Variants in MARCHF1 observed in about 807,000 individuals in gnomAD.
MARCHF1 encodes membrane associated ring-CH-type finger 1.
MARCHF1 carries 40 observed loss-of-function variants against 54.2 expected under a neutral mutation model. That is an observed-to-expected ratio of 0.74 (90% CI 0.57 to 0.96). The LOEUF (loss-of-function observed/expected upper bound fraction) is 0.96. MARCHF1 is among the 40% of genes least tolerant of loss of function. The pLI is 0.00. For synonymous variants in MARCHF1, 236 were observed against 236.3 expected (o/e 1.00, Z 0.01); for missense variants, 586 against 656.5 (o/e 0.89, Z 1.17).
intron 5 of MARCHF1, among the ~76,000 whole-genome samples, chr4:163,618,891 G>A (rs1027437348): frequency 6.6e-6 from 1 of 152,012 alleles, no homozygotes; most frequent in African/African-American, 2.4e-5. Context: ...GATGAAGAAA[G>A]CACATCTAAC....
At chr4:164,235,795 T>C (rs1271761736) in intron 1 of MARCHF1, among the ~76,000 whole-genome samples, 1 of 152,052 alleles carries the variant, frequency 6.6e-6, no homozygotes, top group Non-Finnish European at 1.5e-5. Context: ...GTACAATGTA[T>C]ACTACTCGGG....
intron 1 of MARCHF1, among the ~76,000 whole-genome samples, chr4:164,318,026 G>C (rs905249667): frequency 2.0e-5 from 3 of 152,130 alleles, no homozygotes; most frequent in East Asian, 1.9e-4. Flanking sequence ...TCTCAATCCT[G>C]GTTACTCTTT....
intron 2 of MARCHF1, among the ~76,000 whole-genome samples, chr4:164,098,100 TTTTGG>T (rs1343096153): frequency 6.6e-6 from 1 of 152,116 alleles, no homozygotes; most frequent in African/African-American, 2.4e-5. Flanking sequence ...TTACAACCCA[TTTTGG>T]TTCATTTCAG....
chr4:163,886,144 A>G (rs556940294), intron 3 of MARCHF1, among the ~76,000 whole-genome samples: 4 of 149,038 alleles, frequency 2.7e-5, no homozygotes, highest in Non-Finnish European at 4.4e-5. Flanking sequence ...TAGATCTATA[A>G]ATATGTAGAT....
chr4:163,994,436 T>C (rs1423586631), intron 2 of MARCHF1, among the ~76,000 whole-genome samples: 1 of 151,876 alleles, frequency 6.6e-6, no homozygotes, highest in Non-Finnish European at 1.5e-5. Context: ...CACAGTTTCC[T>C]AAGCCATTTC....
intron 4 of MARCHF1, among the ~76,000 whole-genome samples, chr4:163,828,442 C>A (rs972945314): frequency 2.6e-5 from 4 of 151,964 alleles, no homozygotes; most frequent in African/African-American, 9.7e-5. Context: ...CACAAGACTT[C>A]TAAATAATGT....
At chr4:164,203,426 G>C (rs1731510785) in intron 1 of MARCHF1, among the ~76,000 whole-genome samples, 1 of 152,154 alleles carries the variant, frequency 6.6e-6, no homozygotes, top group African/African-American at 2.4e-5. Context: ...TGGAGACTCA[G>C]CAAAGAGTTG....
chr4:164,078,811 C>A (rs1259091117), intron 2 of MARCHF1, among the ~76,000 whole-genome samples: 3 of 151,844 alleles, frequency 2.0e-5, no homozygotes, highest in Non-Finnish European at 4.4e-5. Context: ...ACAACTATAC[C>A]TAATGTTAAA....
chr4:164,254,898 C>T (rs1733234826), intron 1 of MARCHF1, among the ~76,000 whole-genome samples: 1 of 152,192 alleles, frequency 6.6e-6, no homozygotes, highest in South Asian at 2.1e-4. Context: ...CACACAGACA[C>T]ACCCAGGATT....
At chr4:163,733,177 G>GTATATATATA (rs1169850987) in intron 4 of MARCHF1, among the ~76,000 whole-genome samples, 1 of 17,552 alleles carries the variant, frequency 5.7e-5, no homozygotes, top group Non-Finnish European at 1.0e-4. Flanking sequence ...CTGTATGTGT[G>GTATATATATA]TATATATATA....
chr4:163,845,391 A>G (rs1749454582), intron 4 of MARCHF1, among the ~76,000 whole-genome samples: 1 of 151,536 alleles, frequency 6.6e-6, no homozygotes, highest in Non-Finnish European at 1.5e-5. Context: ...TTCTCACAAA[A>G]CCAAAGACAA....
chr4:163,912,436 C>T (rs1579386917), intron 3 of MARCHF1, among the ~76,000 whole-genome samples: 1 of 152,242 alleles, frequency 6.6e-6, no homozygotes, highest in Non-Finnish European at 1.5e-5. Flanking sequence ...CTATAGGTAG[C>T]TCCGTGGGAT....
intron 4 of MARCHF1, among the ~76,000 whole-genome samples, chr4:163,803,454 T>C (rs1449644605): frequency 6.7e-6 from 1 of 149,002 alleles, no homozygotes; most frequent in Non-Finnish European, 1.5e-5. Context: ...ATTATAGGCA[T>C]GAGCCACTGC....
At chr4:163,617,957 A>G (rs1372023876) in intron 5 of MARCHF1, among the ~76,000 whole-genome samples, 1 of 152,202 alleles carries the variant, frequency 6.6e-6, no homozygotes, top group Non-Finnish European at 1.5e-5. Context: ...TATGTTTTAC[A>G]ATGGGAAAAT....
intron 4 of MARCHF1, among the ~76,000 whole-genome samples, chr4:163,705,185 G>A (rs148261071): frequency 6.6e-6 from 1 of 151,670 alleles, no homozygotes; most frequent in African/African-American, 2.4e-5. Flanking sequence ...TTTTACAACC[G>A]AGCTGTATTT....
At chr4:163,608,678 T>C (rs532726851) in intron 7 of MARCHF1, among the ~76,000 whole-genome samples, 1 of 152,178 alleles carries the variant, frequency 6.6e-6, no homozygotes, top group South Asian at 2.1e-4. Flanking sequence ...AGAGATACTT[T>C]CTCTGAAAAA....
intron 5 of MARCHF1, among the ~76,000 whole-genome samples, chr4:163,675,300 T>G (rs1264483166): frequency 6.6e-6 from 1 of 152,228 alleles, no homozygotes; most frequent in Admixed American, 6.5e-5. Context: ...AAAATATTCT[T>G]AGGCATTTAC....
At chr4:164,380,841 T>C (rs1731344827) in intron 1 of MARCHF1, among the ~76,000 whole-genome samples, 1 of 152,180 alleles carries the variant, frequency 6.6e-6, no homozygotes, top group Non-Finnish European at 1.5e-5. Flanking sequence ...AAGTGAAAGC[T>C]ACAATGTTTT....
intron 3 of MARCHF1, among the ~76,000 whole-genome samples, chr4:163,956,815 T>A (rs999258807): frequency 1.3e-5 from 2 of 152,002 alleles, no homozygotes; most frequent in Admixed American, 1.3e-4. Flanking sequence ...AAAACACCTA[T>A]AAATTTGTGT....
Sources: allele counts gnomAD v4.1 joint callset (sites outside exome capture counted in the v4.1 genomes callset), GRCh38; gene constraint gnomAD v4.1.1; transcripts MANE v1.5; gene names NCBI Gene and HGNC (gene_info 2026-07-23, HGNC 2026-07-21).